The following PARD3 variants were observed in gnomAD, a reference collection of about 807,000 sequenced individuals.
The protein encoded by PARD3 is partitioning defective 3 homolog.
PARD3 carries 75 observed loss-of-function variants against 155.4 expected under a neutral mutation model. The observed-to-expected ratio is 0.48, with a 90% CI of 0.40 to 0.58. PARD3 has a LOEUF of 0.58. Ranked by LOEUF, PARD3 falls within the 20% of genes least tolerant of loss-of-function variation. PARD3 has a pLI of 0.00. For synonymous variants in PARD3, 576 were observed against 610.5 expected (o/e 0.94, Z 0.83); for missense variants, 1,642 against 1,721.7 (o/e 0.95, Z 0.82).
chr10:34,718,509 A>G (rs191861286), intron 1 of PARD3, among the ~76,000 whole-genome samples: 1 of 152,060 alleles, frequency 6.6e-6, no homozygotes, highest in African/African-American at 2.4e-5. Flanking sequence ...AAGGCAACAT[A>G]ATCAGCCAGG....
chr10:34,739,971 G>A (rs556992068), intron 1 of PARD3, among the ~76,000 whole-genome samples: 2 of 152,138 alleles, frequency 1.3e-5, no homozygotes, highest in African/African-American at 4.8e-5. Context: ...CAGCTGCTAC[G>A]GTTCACCCTC....
chr10:34,294,556 C>T (rs1956819147), intron 20 of PARD3, among the ~76,000 whole-genome samples: 2 of 152,290 alleles, frequency 1.3e-5, no homozygotes, highest in South Asian at 2.1e-4. Context: ...GAAACAATTC[C>T]TTTTGATTCA....
chr10:34,521,690 A>G (rs1433820387), intron 2 of PARD3, among the ~76,000 whole-genome samples: 3 of 152,194 alleles, frequency 2.0e-5, no homozygotes, highest in African/African-American at 7.2e-5. Context: ...ACTTTCCCCT[A>G]CCTCAGGACA....
At chr10:34,438,747 T>A (rs2076313183) in intron 5 of PARD3, among the ~76,000 whole-genome samples, 1 of 151,988 alleles carries the variant, frequency 6.6e-6, no homozygotes, top group South Asian at 2.1e-4. Context: ...CAAATTTAGA[T>A]TCATAAATAT....
chr10:34,781,478 A>C (rs1840228426), intron 1 of PARD3, among the ~76,000 whole-genome samples: 1 of 152,216 alleles, frequency 6.6e-6, no homozygotes, highest in Non-Finnish European at 1.5e-5. Context: ...GGCTTGGTTT[A>C]AAAGGAAAAT....
At chr10:34,603,940 G>A (rs532675055) in intron 2 of PARD3, among the ~76,000 whole-genome samples, 2 of 152,216 alleles carry the variant, frequency 1.3e-5, no homozygotes, top group East Asian at 3.9e-4. Flanking sequence ...GAGTAAGGCG[G>A]TGACGGTCAA....
chr10:34,437,863 T>C (rs1041838941), intron 5 of PARD3, among the ~76,000 whole-genome samples: 5 of 152,098 alleles, frequency 3.3e-5, no homozygotes, highest in Non-Finnish European at 7.4e-5. Flanking sequence ...ACATGAAGAG[T>C]TATTTAATAT....
intron 2 of PARD3, among the ~76,000 whole-genome samples, chr10:34,608,091 T>C (rs1484780091): frequency 6.6e-6 from 1 of 152,144 alleles, no homozygotes; most frequent in African/African-American, 2.4e-5. Context: ...TGCTGGCTGC[T>C]CTCCAAACTC....
intron 1 of PARD3, among the ~76,000 whole-genome samples, chr10:34,703,304 G>C (rs1419648258): frequency 6.6e-6 from 1 of 152,006 alleles, no homozygotes; most frequent in Non-Finnish European, 1.5e-5. Context: ...CAGAAAGACT[G>C]CTTGAGCCCA....
At chr10:34,758,266 G>A (rs1836997905) in intron 1 of PARD3, among the ~76,000 whole-genome samples, 2 of 152,124 alleles carry the variant, frequency 1.3e-5, no homozygotes, top group South Asian at 4.1e-4. Context: ...ATTTCCACAT[G>A]CCACTGCTAT....
intron 17 of PARD3, 192 bp from the exon 18 acceptor site, chr10:34,336,435 A>G (rs2134269884): frequency 1.9e-6 from 1 of 531,830 alleles, no homozygotes; most frequent in African/African-American, 1.9e-5. Context: ...GCAATATGCC[A>G]GTCATTTCAT....
chr10:34,337,525 T>G, intron 16 of PARD3, 99 bp from the exon 17 acceptor site: 4 of 543,418 alleles, frequency 7.4e-6, no homozygotes, highest in Non-Finnish European at 1.2e-5. Context: ...AATATACATA[T>G]GTATATTCCT....
At chr10:34,337,492 G>C (rs565417852) in intron 16 of PARD3, 66 bp from the exon 17 acceptor site, 5 of 986,810 alleles carry the variant, frequency 5.1e-6, no homozygotes, top group Non-Finnish European at 7.1e-6. Flanking sequence ...TTTTAGGGAG[G>C]TTCATACATA....
Position 34,133,089 on chromosome 10 carries a change from C to T in PARD3, c.3420-1506G>A, listed in dbSNP as rs866374131. ...CACCCAATAAAATCCCCACATTCAC[C>T]ATCTTACAAGACCCTGTGGGACCTG... On this transcript the variant is annotated intron_variant, in intron 22 of 24. Transcript: ENST00000374788. Among the ~76,000 whole-genome samples the T allele has an allele frequency of 2.0e-5, 3 of 152,118 alleles. No individual in the cohort carries two copies. The South Asian group carries it at 6.2e-4, about 32-fold the overall frequency.
At chr10:34,383,734 G>T (rs1366368301) in intron 8 of PARD3, among the ~76,000 whole-genome samples, 3 of 152,090 alleles carry the variant, frequency 2.0e-5, no homozygotes, top group Non-Finnish European at 4.4e-5. Context: ...CCAAGATAAA[G>T]TGTATCTGAA....
chr10:34,673,272 T>C (rs1393241397), intron 2 of PARD3, among the ~76,000 whole-genome samples: 1 of 152,216 alleles, frequency 6.6e-6, no homozygotes, highest in African/African-American at 2.4e-5. Flanking sequence ...AAAGCTTATT[T>C]GCCACAGATT....
intron 22 of PARD3, among the ~76,000 whole-genome samples, chr10:34,176,022 G>C (rs1286386662): frequency 1.3e-5 from 2 of 152,010 alleles, no homozygotes; most frequent in Non-Finnish European, 2.9e-5. Flanking sequence ...TAAATTAGTA[G>C]GTAATTAGTT....
intron 1 of PARD3, among the ~76,000 whole-genome samples, chr10:34,749,363 C>T (rs1835705267): frequency 6.6e-6 from 1 of 151,850 alleles, no homozygotes; most frequent in South Asian, 2.1e-4. Flanking sequence ...ATTATTTGCA[C>T]ACAATAAAAC....
At chr10:34,140,045 AG>A (rs1222837953) in intron 22 of PARD3, among the ~76,000 whole-genome samples, 1 of 152,190 alleles carries the variant, frequency 6.6e-6, no homozygotes, top group Non-Finnish European at 1.5e-5. Flanking sequence ...GAGCAAACAC[AG>A]GTTTCTCATT....
Sources: allele counts gnomAD v4.1 joint callset (sites outside exome capture counted in the v4.1 genomes callset), GRCh38; gene constraint gnomAD v4.1.1; transcripts MANE v1.5; gene names NCBI Gene and HGNC (gene_info 2026-07-23, HGNC 2026-07-21).